Variants in ANXA2 observed in about 807,000 individuals in gnomAD.
ANXA2 encodes annexin II.
Under a neutral mutation model 47.3 loss-of-function variants are expected in ANXA2, and 28 were observed. That is an observed-to-expected ratio of 0.59 (90% CI 0.44 to 0.81). The LOEUF is 0.81. Among genes scored for constraint, ANXA2 ranks in the 40% least tolerant of loss-of-function variants. The probability of loss-of-function intolerance (pLI) is 0.00; values close to 1 mark genes in which losing one functional copy is unlikely to be tolerated. For synonymous variants in ANXA2, 172 were observed against 155.5 expected (o/e 1.11, Z -0.79); for missense variants, 384 against 414.3 (o/e 0.93, Z 0.64).
chr15:60,360,856 GA>G (rs2062501902), intron 5 of ANXA2, 84 bp downstream of exon 5: 3 of 892,564 alleles, frequency 3.4e-6, no homozygotes, highest in East Asian at 2.5e-5. Flanking sequence ...CAACAAAACT[GA>G]AAATCACCAA....
chr15:60,360,792 T>C, intron 5 of ANXA2, 149 bp downstream of exon 5: 1 of 622,500 alleles, frequency 1.6e-6, no homozygotes, highest in Non-Finnish European at 2.9e-6. Flanking sequence ...TTGGTACAAA[T>C]CCTGAGACAT....
At chr15:60,366,663 C>G (rs1230632986) in intron 3 of ANXA2, among the ~76,000 whole-genome samples, 5 of 143,854 alleles carry the variant, frequency 3.5e-5, no homozygotes, top group Admixed American at 6.8e-5. Context: ...CCACCCCGTC[C>G]GGGAGGGAGG....
intron 3 of ANXA2, among the ~76,000 whole-genome samples, chr15:60,375,503 G>T (rs1230002086): frequency 6.6e-6 from 1 of 152,194 alleles, no homozygotes; most frequent in Non-Finnish European, 1.5e-5. Context: ...ATTCACAGCT[G>T]TGTTGTACAC....
chr15:60,351,163 AAC>A (rs1895990922), intron 11 of ANXA2, 28 bp downstream of exon 11: 1 of 1,611,024 alleles, frequency 6.2e-7, no homozygotes, highest in Non-Finnish European at 8.5e-7. Flanking sequence ...TGAGTGTGGA[AAC>A]ACAGCTCTCT....
intron 5 of ANXA2, 153 bp downstream of exon 5, chr15:60,360,788 C>T: frequency 1.6e-6 from 1 of 612,430 alleles, no homozygotes; most frequent in Admixed American, 3.0e-5. Context: ...ATTTTTGGTA[C>T]AAATCCTGAG....
chr15:60,357,083 TG>T, intron 6 of ANXA2, 62 bp downstream of exon 6: 1 of 1,468,886 alleles, frequency 6.8e-7, no homozygotes, highest in Non-Finnish European at 9.5e-7. Context: ...CTAACCCCAG[TG>T]GCCATGATAG....
chr15:60,353,826 G>A (rs1346254421), intron 8 of ANXA2, among the ~76,000 whole-genome samples: 1 of 152,174 alleles, frequency 6.6e-6, no homozygotes, highest in African/African-American at 2.4e-5. Context: ...CCCATGGAGA[G>A]GCATATGTGG....
chr15:60,351,502 C>G, intron 10 of ANXA2: 1 of 616,194 alleles, frequency 1.6e-6, no homozygotes, highest in Middle Eastern at 4.4e-4. Context: ...ACACACCCCT[C>G]TCTCCTCCTG....
At chr15:60,381,706 TA>T (rs899530024) in intron 3 of ANXA2, among the ~76,000 whole-genome samples, 1 of 151,500 alleles carries the variant, frequency 6.6e-6, no homozygotes, top group South Asian at 2.1e-4. Flanking sequence ...TACCGGGGTT[TA>T]AAAAAAACAA....
At chr15:60,378,243 C>G (rs367975843) in intron 3 of ANXA2, among the ~76,000 whole-genome samples, 1 of 152,278 alleles carries the variant, frequency 6.6e-6, no homozygotes, top group East Asian at 1.9e-4. Flanking sequence ...GACTGCACAA[C>G]TCTGCAAATA....
chr15:60,388,783 C>A (rs1823851), intron 1 of ANXA2, among the ~76,000 whole-genome samples: 3 of 148,014 alleles, frequency 2.0e-5, no homozygotes, highest in African/African-American at 7.6e-5. Flanking sequence ...TCTCTGTTAC[C>A]CAGGCTGGAG....
At chr15:60,357,841 C>T (rs1440726870) in intron 5 of ANXA2, among the ~76,000 whole-genome samples, 1 of 151,788 alleles carries the variant, frequency 6.6e-6, no homozygotes, top group Non-Finnish European at 1.5e-5. Flanking sequence ...ATAGAATATG[C>T]CAAAATACTA....
intron 3 of ANXA2, among the ~76,000 whole-genome samples, chr15:60,378,664 C>G (rs778801717): frequency 3.3e-5 from 5 of 152,182 alleles, no homozygotes; most frequent in Non-Finnish European, 7.3e-5. Flanking sequence ...TCTAAAATCA[C>G]TAAGCATCAA....
At chr15:60,395,421 C>T (rs1595715020) in intron 1 of ANXA2, among the ~76,000 whole-genome samples, 1 of 152,120 alleles carries the variant, frequency 6.6e-6, no homozygotes, top group East Asian at 1.9e-4. Context: ...CAATCCCGCT[C>T]TCCTTTAATG....
chr15:60,390,275 A>G, intron 1 of ANXA2: 1 of 1,058,976 alleles, frequency 9.4e-7, no homozygotes, highest in Non-Finnish European at 1.1e-6. Flanking sequence ...ATCCATATAA[A>G]TATTTCCTAC....
chr15:60,390,364 G>T, intron 1 of ANXA2: 2 of 751,158 alleles, frequency 2.7e-6, no homozygotes, highest in South Asian at 1.8e-5. Context: ...ATAGCATTCC[G>T]GAAAACATGG....
At chr15:60,370,401 G>A (rs749702170) in intron 3 of ANXA2, among the ~76,000 whole-genome samples, 1 of 152,198 alleles carries the variant, frequency 6.6e-6, no homozygotes, top group African/African-American at 2.4e-5. Context: ...CAACTGCCTA[G>A]TCAAAGCCAC....
intron 3 of ANXA2, among the ~76,000 whole-genome samples, chr15:60,381,966 T>G (rs112477577): frequency 6.9e-4 from 95 of 137,248 alleles, no homozygotes; most frequent in African/African-American, 2.4e-3. Flanking sequence ...TAAAATACTA[T>G]CTCATGCTGT....
At chr15:60,393,445 A>T in intron 1 of ANXA2, 2 of 1,005,104 alleles carry the variant, frequency 2.0e-6, no homozygotes, top group Non-Finnish European at 2.4e-6. Context: ...GGCCGCCTAC[A>T]GAAAAAAGTC....
Sources: allele counts gnomAD v4.1 joint callset (sites outside exome capture counted in the v4.1 genomes callset), GRCh38; gene constraint gnomAD v4.1.1; transcripts MANE v1.5; gene names NCBI Gene and HGNC (gene_info 2026-07-23, HGNC 2026-07-21).